The following CYP2J2 variants were observed in gnomAD, a reference collection of about 807,000 sequenced individuals.
CYP2J2 encodes cytochrome P450 family 2 subfamily J member 2.
CYP2J2 carries 41 observed loss-of-function variants against 48.8 expected under a neutral mutation model. That is an observed-to-expected ratio of 0.84 (90% CI 0.66 to 1.09). The LOEUF (loss-of-function observed/expected upper bound fraction) is 1.09. Ranked by LOEUF, CYP2J2 falls within the 50% of genes least tolerant of loss-of-function variation. CYP2J2 has a pLI of 0.00. For missense variants in CYP2J2, 644 were observed against 617.3 expected (o/e 1.04, Z -0.46); for synonymous variants, 221 against 227.1 (o/e 0.97, Z 0.24).
At chr1:59,932,882 G>A in the CYP2J2 span, among the ~76,000 whole-genome samples, 6 of 152,014 alleles carry the variant, frequency 3.9e-5, no homozygotes, top group African/African-American at 1.5e-4. Flanking sequence ...TGTATTTTTA[G>A]TAGAGACAGG....
At chr1:59,935,221 C>T in the CYP2J2 span, among the ~76,000 whole-genome samples, 98 of 151,024 alleles carry the variant, frequency 6.5e-4, no homozygotes, top group East Asian at 0.015. Flanking sequence ...CTCAGTGAAA[C>T]AGAGTGAAAG....
chr1:59,895,464 T>C (rs1186923606), intron 8 of CYP2J2, among the ~76,000 whole-genome samples: 2 of 152,214 alleles, frequency 1.3e-5, no homozygotes, highest in African/African-American at 4.8e-5. Flanking sequence ...AATTGTGATG[T>C]GTTACATTAT....
intron 8 of CYP2J2, among the ~76,000 whole-genome samples, chr1:59,900,019 C>T (rs1000912993): frequency 1.3e-5 from 2 of 152,128 alleles, no homozygotes; most frequent in Non-Finnish European, 2.9e-5. Flanking sequence ...TATTTTTGGA[C>T]CTGGCTATCT....
At chr1:59,903,585 T>TAATG (rs1644339192) in intron 7 of CYP2J2, among the ~76,000 whole-genome samples, 1 of 152,094 alleles carries the variant, frequency 6.6e-6, no homozygotes, top group African/African-American at 2.4e-5. Context: ...GTCACCTGGG[T>TAATG]AATGGTTCAA....
chr1:59,914,930 T>C (rs1034360449), intron 2 of CYP2J2, among the ~76,000 whole-genome samples: 1 of 152,162 alleles, frequency 6.6e-6, no homozygotes, highest in African/African-American at 2.4e-5. Flanking sequence ...AATGCTGAGA[T>C]AGGAGAAAAA....
rs11572200 is a variant in CYP2J2 at position 59,924,473 on chromosome 1, G to T, written c.210+2064C>A. ...CAAAATTATAATATTATCTGATGTA[G>T]TTCTCAATGTATATAGAGATAACAC... On this transcript the variant is annotated intron_variant, in intron 1 of 8. Coordinates refer to ENST00000371204, the MANE Select transcript of CYP2J2 (RefSeq NM_000775.4). Among the ~76,000 whole-genome samples the T allele has an allele frequency of 4.3e-3, 654 of 152,212 alleles. 3 individuals carry two copies. The highest frequency in any genetic ancestry group is 0.015 in the African/African-American group (625 of 41,534).
chr1:59,923,499 TATAGA>T (rs1187783926), intron 1 of CYP2J2, among the ~76,000 whole-genome samples: 1 of 152,162 alleles, frequency 6.6e-6, no homozygotes, highest in Non-Finnish European at 1.5e-5. Context: ...ATGTTAGAAA[TATAGA>T]ATAATTAAAT....
At chr1:59,921,297 G>A (rs1644512460) in intron 1 of CYP2J2, among the ~76,000 whole-genome samples, 1 of 152,210 alleles carries the variant, frequency 6.6e-6, no homozygotes, top group Non-Finnish European at 1.5e-5. Context: ...AAGATGAAAT[G>A]CTCCTGATTA....
chr1:59,938,624 T>G, the CYP2J2 span, among the ~76,000 whole-genome samples: 10 of 152,266 alleles, frequency 6.6e-5, no homozygotes, highest in African/African-American at 2.4e-4. Flanking sequence ...CAATCGGGTT[T>G]TATACCGAGA....
intron 1 of CYP2J2, among the ~76,000 whole-genome samples, chr1:59,918,750 A>G (rs1051929337): frequency 6.6e-6 from 1 of 152,138 alleles, no homozygotes; most frequent in Non-Finnish European, 1.5e-5. Context: ...CAGTCTTAAA[A>G]TCAGAAATGA....
the CYP2J2 span, among the ~76,000 whole-genome samples, chr1:59,947,059 G>A: frequency 5.3e-4 from 81 of 152,232 alleles, no homozygotes; most frequent in African/African-American, 1.9e-3. Flanking sequence ...ATTAAGTGAT[G>A]AAGACAGGAT....
At chr1:59,923,235 A>G (rs2102139871) in intron 1 of CYP2J2, among the ~76,000 whole-genome samples, 1 of 152,360 alleles carries the variant, frequency 6.6e-6, no homozygotes, top group East Asian at 1.9e-4. Context: ...GGAGTGGGTA[A>G]TAAAAGTGGA....
At chr1:59,957,965 T>C in the CYP2J2 span, among the ~76,000 whole-genome samples, 1 of 152,124 alleles carries the variant, frequency 6.6e-6, no homozygotes, top group Non-Finnish European at 1.5e-5. Context: ...ATGAATACTG[T>C]CTTGGCACAC....
At chr1:59,955,269 T>TATATATCC in the CYP2J2 span, among the ~76,000 whole-genome samples, 3 of 104,858 alleles carry the variant, frequency 2.9e-5, no homozygotes, top group Admixed American at 9.5e-5. Flanking sequence ...TATATCCATA[T>TATATATCC]ATATATATCC....
At position 59,926,741 on chromosome 1, in the gene CYP2J2, G is replaced by C; in HGVS notation, c.6C>G (p.Leu2=). The C allele has an allele frequency of 6.2e-7, 1 of 1,612,680 alleles. No individual in the cohort carries two copies. The highest frequency in any genetic ancestry group is 2.2e-5 in the East Asian group (1 of 44,850). Reference sequence around the variant, plus strand: ...CAGCCGCCAGAGAGCCCATCGCCGCGAGCATGGCTCAGACGTCCTCCTGCT... The same window carrying C: ...CAGCCGCCAGAGAGCCCATCGCCGCCAGCATGGCTCAGACGTCCTCCTGCT... M[L]AAMGSLAAAL... is the part of the protein sequence containing the mutation. Residue 2 remains leucine (L), a synonymous_variant, in exon 1 of 9, where the codon CTC becomes CTG. Transcript: ENST00000371204.
chr1:59,893,570 A>T lies in CYP2J2; in HGVS notation c.*81T>A. The T allele has an allele frequency of 9.3e-7, 1 of 1,073,548 alleles. No homozygotes were observed. The highest frequency in any genetic ancestry group is 2.6e-5 in the Admixed American group (1 of 38,108). 66.5% of individuals were successfully genotyped at this position (1,073,548 alleles called of 1,614,324 possible). ...TGAAAGTCACTTTCATTTTGTCCCA[A>T]CACATCTGAGCAGACACCAGTGGTT... On this transcript the variant is annotated 3_prime_UTR_variant, in exon 9 of 9. Transcript: ENST00000371204.
chr1:59,913,942 C>T (rs142163547), intron 2 of CYP2J2, among the ~76,000 whole-genome samples: 43 of 152,332 alleles, frequency 2.8e-4, no homozygotes, highest in South Asian at 1.2e-3. Flanking sequence ...GCTTCATCTC[C>T]CTTTAATTAT....
the CYP2J2 span, among the ~76,000 whole-genome samples, chr1:59,963,613 C>G: frequency 6.6e-6 from 1 of 151,890 alleles, no homozygotes; most frequent in Non-Finnish European, 1.5e-5. Context: ...TAGTTTTGAC[C>G]CTTGGGCTAT....
At chr1:59,925,828 T>A (rs1644558723) in intron 1 of CYP2J2, among the ~76,000 whole-genome samples, 1 of 152,198 alleles carries the variant, frequency 6.6e-6, no homozygotes, top group Admixed American at 6.5e-5. Flanking sequence ...CTTGTCACAC[T>A]GTTGTCTCTC....
Sources: gnomAD v4.1 joint callset for allele counts (sites outside exome capture counted in the v4.1 genomes callset) on GRCh38, gnomAD v4.1.1 for gene constraint, MANE v1.5 for transcripts, NCBI Gene and HGNC (gene_info 2026-07-23, HGNC 2026-07-21) for gene names.